MYO9A: variants seen among roughly 807,000 people sequenced by gnomAD.
The protein encoded by MYO9A is myosin IXA.
In MYO9A, 103 loss-of-function variants were observed where a neutral mutation model predicts 293.3. That is an observed-to-expected ratio of 0.35 (90% CI 0.30 to 0.41). MYO9A has a LOEUF of 0.41. MYO9A is among the 10% of genes least tolerant of loss of function. The pLI is 1.00. For missense variants in MYO9A, 2,685 were observed against 3,033.0 expected (o/e 0.89, Z 2.69); for synonymous variants, 1,001 against 1,035.7 (o/e 0.97, Z 0.64).
intron 1 of MYO9A, among the ~76,000 whole-genome samples, chr15:72,074,977 T>C (rs1206472773): frequency 7.0e-6 from 1 of 142,938 alleles, no homozygotes; most frequent in Non-Finnish European, 1.5e-5. Context: ...TTTTTTTTTT[T>C]TCTTGAGACA....
chr15:72,085,582 A>G lies in MYO9A; in HGVS notation c.-72+32098T>C, dbSNP rs533133470. ...GGTTTCAGTGCACTCCTGCATCTCT[A>G]TGATCTTCGTTCCTATCCATTGTCT... On this transcript the variant is annotated intron_variant, in intron 1 of 41. Transcript: ENST00000356056. Among the ~76,000 whole-genome samples the G allele has an allele frequency of 3.9e-5, 6 of 152,134 alleles. No individual in the cohort carries two copies. In the East Asian group the frequency reaches 1.2e-3, roughly 29 times the overall value.
intron 19 of MYO9A, among the ~76,000 whole-genome samples, chr15:71,909,756 C>A (rs1184857515): frequency 6.6e-6 from 1 of 151,914 alleles, no homozygotes; most frequent in Non-Finnish European, 1.5e-5. Flanking sequence ...ATATATAGAC[C>A]CCTGTTACTG....
chr15:71,832,477 C>CA (rs745546501), intron 39 of MYO9A, among the ~76,000 whole-genome samples: 218 of 151,832 alleles, frequency 1.4e-3, no homozygotes, highest in Non-Finnish European at 1.7e-3. Flanking sequence ...AAATTCCTTG[C>CA]AAAAAAGGAA....
intron 6 of MYO9A, among the ~76,000 whole-genome samples, chr15:72,014,816 AAAGAG>A (rs1281884620): frequency 6.6e-6 from 1 of 151,868 alleles, no homozygotes; most frequent in Non-Finnish European, 1.5e-5. Flanking sequence ...AAAGAAAAGA[AAAGAG>A]AAGAAAAGAG....
intron 1 of MYO9A, among the ~76,000 whole-genome samples, chr15:72,063,698 G>A (rs2078939618): frequency 1.3e-5 from 2 of 152,178 alleles, no homozygotes; most frequent in Non-Finnish European, 2.9e-5. Context: ...CTTGTACACC[G>A]TTGGTGAGAA....
chr15:71,875,261 A>C (rs2056649112), intron 32 of MYO9A, among the ~76,000 whole-genome samples: 1 of 152,086 alleles, frequency 6.6e-6, no homozygotes, highest in Non-Finnish European at 1.5e-5. Context: ...TAATTTATTT[A>C]ATCATTTCCC....
intron 14 of MYO9A, among the ~76,000 whole-genome samples, chr15:71,952,755 G>A (rs1242184851): frequency 6.6e-6 from 1 of 151,940 alleles, no homozygotes; most frequent in Non-Finnish European, 1.5e-5. Flanking sequence ...TAATATAGAG[G>A]CAAATTAAGT....
intron 12 of MYO9A, among the ~76,000 whole-genome samples, chr15:71,970,429 A>G (rs777824744): frequency 2.6e-5 from 4 of 152,220 alleles, no homozygotes; most frequent in Non-Finnish European, 4.4e-5. Context: ...AACTAAGGAT[A>G]TATTTGACAT....
intron 16 of MYO9A, among the ~76,000 whole-genome samples, chr15:71,938,103 C>A (rs926023072): frequency 6.6e-6 from 1 of 151,842 alleles, no homozygotes; most frequent in African/African-American, 2.4e-5. Context: ...TTTAAATAAG[C>A]AATAAAGAGT....
chr15:72,012,133 T>A (rs1402025189), intron 6 of MYO9A, among the ~76,000 whole-genome samples: 1 of 152,166 alleles, frequency 6.6e-6, no homozygotes, highest in African/African-American at 2.4e-5. Flanking sequence ...TTACCAATAT[T>A]TTTATTCTCT....
At chr15:71,841,775 A>T (rs1206915373) in intron 39 of MYO9A, among the ~76,000 whole-genome samples, 1 of 149,166 alleles carries the variant, frequency 6.7e-6, no homozygotes, top group East Asian at 2.0e-4. Flanking sequence ...GGCTGGGACT[A>T]TAGGTGCTCG....
intron 15 of MYO9A, among the ~76,000 whole-genome samples, chr15:71,942,806 G>A (rs2058811919): frequency 1.3e-5 from 2 of 151,894 alleles, no homozygotes; most frequent in Admixed American, 1.3e-4. Context: ...AGCAAATTAG[G>A]TATAAGTTTT....
intron 1 of MYO9A, among the ~76,000 whole-genome samples, chr15:72,106,227 C>G (rs921614975): frequency 7.9e-5 from 12 of 151,534 alleles, no homozygotes; most frequent in African/African-American, 2.9e-4. Context: ...CCTGTAATCT[C>G]AGCACTCTGG....
intron 14 of MYO9A, among the ~76,000 whole-genome samples, chr15:71,952,560 G>T (rs2059076447): frequency 6.6e-6 from 1 of 152,178 alleles, no homozygotes; most frequent in Non-Finnish European, 1.5e-5. Flanking sequence ...CCCCAGATCA[G>T]TGTTATTTAA....
At position 71,898,835 on chromosome 15, in the gene MYO9A, G is replaced by C. The variant is rs1364077004; in HGVS notation, c.3668C>G (p.Ser1223Ter). 6.2e-7 allele frequency: 1 copy of C among 1,614,064 alleles called. No homozygotes were observed. The highest frequency in any genetic ancestry group is 1.7e-5 in the Admixed American group (1 of 59,990). The change falls in exon 25 of 42, where the codon TCA becomes TGA. Residue 1223 changes from serine (S) to a stop codon, truncating the protein, a stop_gained. Transcript: ENST00000356056. LOFTEE classifies it high-confidence loss of function. The stretch of plus-strand genomic sequence containing the variant: ...TGGTGACTCCTTCAAGCAGTCCACT[G>C]AACTTTCACGGCTAATTCGATTACT... Reference protein sequence around the residue: ...IESNRISRESSVDCLKESPNK... With the variant: ...IESNRISRES
At chr15:72,026,865 G>C (rs1344340106) in intron 4 of MYO9A, among the ~76,000 whole-genome samples, 1 of 152,088 alleles carries the variant, frequency 6.6e-6, no homozygotes, top group African/African-American at 2.4e-5. Context: ...CAAATTCCTA[G>C]AAAGATAAAA....
chr15:71,855,151 T>C (rs1191268707), intron 34 of MYO9A, among the ~76,000 whole-genome samples: 1 of 152,122 alleles, frequency 6.6e-6, no homozygotes, highest in Non-Finnish European at 1.5e-5. Context: ...CATTCATTCA[T>C]TTGAGACAGA....
At chr15:72,108,114 A>C (rs146097693) in intron 1 of MYO9A, among the ~76,000 whole-genome samples, 221 of 152,352 alleles carry the variant, frequency 1.5e-3, no homozygotes, top group African/African-American at 4.6e-3. Context: ...TAGAGAAAGA[A>C]TACTGAGAAA....
In MYO9A at chr15:71,825,161, C is replaced by T. The variant is rs2054422518; in HGVS notation, c.*1419G>A. The T allele has an allele frequency of 6.6e-6, 1 of 152,016 alleles. No individual in the cohort carries two copies. The highest frequency in any genetic ancestry group is 2.1e-4 in the South Asian group (1 of 4,814). 9.4% of individuals were successfully genotyped at this position (152,016 alleles called of 1,614,324 possible). The stretch of plus-strand genomic sequence containing the variant: ...AAATAGCAAAAACAGATTTCTAATC[C>T]CACAAATGCTAAGATACTTAAAATG... On this transcript the variant is annotated 3_prime_UTR_variant, in exon 42 of 42. Coordinates refer to ENST00000356056, the MANE Select transcript of MYO9A (RefSeq NM_006901.4).
Sources: allele counts gnomAD v4.1 joint callset (sites outside exome capture counted in the v4.1 genomes callset), GRCh38; gene constraint gnomAD v4.1.1; transcripts MANE v1.5; gene names NCBI Gene and HGNC (gene_info 2026-07-23, HGNC 2026-07-21).